Variants in TRMT11 observed in about 807,000 individuals in gnomAD.
TRMT11 encodes the protein tRNA methyltransferase 11, also known as tRNA (guanine(10)-N(2))-methyltransferase TRMT11.
TRMT11 carries 53 observed loss-of-function variants against 62.8 expected under a neutral mutation model. The observed-to-expected ratio is 0.84, with a 90% CI of 0.68 to 1.06. The LOEUF is 1.06. Among genes scored for constraint, TRMT11 ranks in the 50% least tolerant of loss-of-function variants. TRMT11 has a pLI of 0.00. For synonymous variants in TRMT11, 188 were observed against 190.3 expected, an observed-to-expected ratio of 0.99 and a Z score of 0.10; for missense variants, 556 against 553.4, an observed-to-expected ratio of 1.00 and a Z score of -0.05.
At chr6:126,012,194 G>GT (rs776696921) in intron 9 of TRMT11, among the ~76,000 whole-genome samples, 41 of 151,842 alleles carry the variant, frequency 2.7e-4, no homozygotes, top group African/African-American at 6.3e-4. Context: ...TGAAAATTTA[G>GT]TTTTTTTTAA....
At chr6:126,049,485 T>G (rs1026339406) in intron 16 of TRMT11, among the ~76,000 whole-genome samples, 2 of 152,208 alleles carry the variant, frequency 1.3e-5, no homozygotes, top group Non-Finnish European at 2.9e-5. Context: ...TATTTTAATG[T>G]CAATTGTTGT....
At chr6:126,241,885 G>T in the TRMT11 span, among the ~76,000 whole-genome samples, 5 of 152,170 alleles carry the variant, frequency 3.3e-5, no homozygotes, top group Non-Finnish European at 5.9e-5. Context: ...AGACAGGGAT[G>T]CCCTCTCTCA....
the TRMT11 span, among the ~76,000 whole-genome samples, chr6:126,220,425 TATCCAC>T: frequency 6.6e-6 from 1 of 152,230 alleles, no homozygotes; most frequent in Non-Finnish European, 1.5e-5. Flanking sequence ...TATTTTTCTT[TATCCAC>T]ACTGGTACCT....
At chr6:126,196,288 T>C (rs1778665828) in intron 1 of TRMT11, among the ~76,000 whole-genome samples, 1 of 152,140 alleles carries the variant, frequency 6.6e-6, no homozygotes, top group African/African-American at 2.4e-5. Context: ...TTGTGGCAGT[T>C]CTCATTTCCC....
intron 7 of TRMT11, among the ~76,000 whole-genome samples, chr6:126,004,020 C>T (rs1792948888): frequency 6.6e-6 from 1 of 151,938 alleles, no homozygotes; most frequent in Non-Finnish European, 1.5e-5. Context: ...TTTAATTTAC[C>T]TTTTTCCAAA....
chr6:126,106,560 G>A (rs59645554), intron 17 of TRMT11, among the ~76,000 whole-genome samples: 6,290 of 152,232 alleles, frequency 0.041, 420 homozygotes, highest in African/African-American at 0.14. Flanking sequence ...ATGTTGTATG[G>A]CAAAGTGGCT....
At chr6:126,168,521 C>G (rs921841240) in intron 21 of TRMT11, among the ~76,000 whole-genome samples, 7 of 152,012 alleles carry the variant, frequency 4.6e-5, no homozygotes, top group Non-Finnish European at 2.9e-5. Context: ...GAAAAGAGGT[C>G]TTATTTTATT....
intron 17 of TRMT11, among the ~76,000 whole-genome samples, chr6:126,092,103 T>C (rs1181748089): frequency 6.6e-6 from 1 of 152,236 alleles, no homozygotes; most frequent in Non-Finnish European, 1.5e-5. Context: ...GTTATTCAGA[T>C]GATTCAGATT....
rs557192631 is a variant in TRMT11, at chr6:126,060,299, G to A, written c.*1437+7109G>A. ...TGTCAACATTGAGGATTGTTTTCTC[G>A]TAAGTGATAGCTGCTCTATTACAGT... On this transcript the variant is annotated intron_variant and NMD_transcript_variant, in intron 17 of 22. Coordinates refer to the TRMT11 transcript ENST00000648977. Among the ~76,000 whole-genome samples the A allele has an allele frequency of 1.4e-4, 22 of 152,298 alleles. 1 individual carries two copies. In the South Asian group the frequency reaches 3.5e-3, roughly 24 times the overall value.
chr6:125,998,651 T>A lies in TRMT11; in HGVS notation c.489T>A (p.Pro163=), dbSNP rs1336954674. The change falls in exon 6 of 13, where the codon CCT becomes CCA. Residue 163 remains proline (P), a synonymous_variant. Coordinates refer to ENST00000334379, the MANE Select transcript of TRMT11 (RefSeq NM_001031712.3). ...ATGGTTTAGACCCAAACTGCATCCC[T>A]GAGAATCCACATAATATTTATTTTG... ...EDYGLDPNCI[P]ENPHNIYFGR... is the part of the protein sequence containing the mutation. 7 of 1,613,176 alleles carry A rather than the reference T, an allele frequency of 4.3e-6. No homozygotes were observed. Among genetic ancestry groups the A allele is most frequent in the Non-Finnish European group, 5.9e-6 (7 of 1,179,576 alleles).
chr6:126,091,972 G>T (rs560478420), intron 17 of TRMT11, among the ~76,000 whole-genome samples: 74 of 152,172 alleles, frequency 4.9e-4, no homozygotes, highest in Admixed American at 2.2e-3. Flanking sequence ...TAGGATTGAG[G>T]TGCTAAAAAT....
intron 21 of TRMT11, among the ~76,000 whole-genome samples, chr6:126,163,076 C>T (rs758667287): frequency 1.6e-4 from 24 of 152,272 alleles, no homozygotes; most frequent in Non-Finnish European, 2.9e-4. Flanking sequence ...TTTGCCCTGA[C>T]CAGAACTTCC....
the TRMT11 span, among the ~76,000 whole-genome samples, chr6:126,217,598 A>G: frequency 2.0e-5 from 3 of 152,256 alleles, no homozygotes; most frequent in South Asian, 2.1e-4. Context: ...AACAAATGGA[A>G]TCTCTTCCTC....
At chr6:126,053,085 T>A (rs1197497580) in intron 16 of TRMT11, among the ~76,000 whole-genome samples, 1 of 152,112 alleles carries the variant, frequency 6.6e-6, no homozygotes, top group African/African-American at 2.4e-5. Context: ...GTGTACCAAG[T>A]TCATCTCTGT....
At chr6:126,135,453 T>C (rs1777839610) in intron 21 of TRMT11, among the ~76,000 whole-genome samples, 1 of 151,470 alleles carries the variant, frequency 6.6e-6, no homozygotes, top group Admixed American at 6.6e-5. Flanking sequence ...ATAGAAAACC[T>C]AAACAAACCA....
intron 1 of TRMT11, among the ~76,000 whole-genome samples, chr6:126,183,677 C>T (rs1778493664): frequency 6.6e-6 from 1 of 152,158 alleles, no homozygotes; most frequent in Admixed American, 6.5e-5. Flanking sequence ...AGAGCACCTG[C>T]TCTGGGAACT....
intron 7 of TRMT11, among the ~76,000 whole-genome samples, chr6:126,007,371 A>G (rs899185448): frequency 6.6e-6 from 1 of 152,006 alleles, no homozygotes; most frequent in Non-Finnish European, 1.5e-5. Context: ...TCAAAAGGTT[A>G]TAAGGGAAAG....
At chr6:126,028,611 T>G (rs1044519492) in intron 12 of TRMT11, among the ~76,000 whole-genome samples, 2 of 152,178 alleles carry the variant, frequency 1.3e-5, no homozygotes, top group African/African-American at 4.8e-5. Context: ...TTGCTGTTTG[T>G]GGTACTTTTT....
chr6:126,020,256 G>T (rs954610882), intron 11 of TRMT11, among the ~76,000 whole-genome samples: 1 of 152,314 alleles, frequency 6.6e-6, no homozygotes, highest in Non-Finnish European at 1.5e-5. Context: ...CATCCAAAAA[G>T]GTGTAAAAAA....
Sources: allele counts gnomAD v4.1 joint callset (sites outside exome capture counted in the v4.1 genomes callset), GRCh38; gene constraint gnomAD v4.1.1; transcripts MANE v1.5; gene names NCBI Gene and HGNC (gene_info 2026-07-23, HGNC 2026-07-21).